The following COA1 variants were observed in gnomAD, a reference collection of about 807,000 sequenced individuals.
COA1 encodes the protein cytochrome c oxidase assembly factor 1 homolog.
In COA1, 13 loss-of-function variants were observed where a neutral mutation model predicts 16.0. That is an observed-to-expected ratio of 0.81 (90% CI 0.53 to 1.29). COA1 has a LOEUF of 1.29. Ranked by LOEUF, COA1 falls within the 50% of genes most tolerant of loss-of-function variation. The pLI is 0.00. For synonymous variants in COA1, 65 were observed against 65.7 expected (o/e 0.99, Z 0.05); for missense variants, 179 against 177.0 (o/e 1.01, Z -0.06).
chr7:43,631,933 T>C (rs2085214731), intron 6 of COA1: 1 of 152,248 alleles, frequency 6.6e-6, no homozygotes, highest in African/African-American at 2.4e-5. Flanking sequence ...TACTTTTAAA[T>C]GCGAGAGGAG....
At chr7:43,710,697 TACAA>T (rs2095216316) in intron 1 of COA1, among the ~76,000 whole-genome samples, 2 of 152,136 alleles carry the variant, frequency 1.3e-5, no homozygotes, top group South Asian at 4.1e-4. Flanking sequence ...TGAACCAAAT[TACAA>T]ACAAACAATA....
At chr7:43,610,518 T>A (rs2082762735) in intron 6 of COA1, among the ~76,000 whole-genome samples, 1 of 151,058 alleles carries the variant, frequency 6.6e-6, no homozygotes, top group African/African-American at 2.4e-5. Flanking sequence ...ATACAAAAAA[T>A]TAGCCAAGTG....
intron 4 of COA1, chr7:43,641,750 C>G (rs1217656473): frequency 6.6e-6 from 1 of 152,206 alleles, no homozygotes; most frequent in Admixed American, 6.5e-5. Context: ...CAGGTGCTGC[C>G]ATGCCCATGC....
intron 1 of COA1, among the ~76,000 whole-genome samples, chr7:43,696,140 G>A (rs1010518004): frequency 2.0e-5 from 3 of 152,194 alleles, no homozygotes; most frequent in African/African-American, 7.2e-5. Flanking sequence ...CACCCGGCCA[G>A]AAACTTACTT....
In COA1 at chr7:43,726,597, T is replaced by C. The variant is rs1585622356; in HGVS notation, c.-39+2832A>G. On this transcript the variant is annotated intron_variant, in intron 1 of 5. Transcript: ENST00000223336. ...TTTTCCTTGCTTCATTTTTCAAGTC[T>C]TAAAATGCTCCTCACGGGTTCTTTC... Among the ~76,000 whole-genome samples the C allele has an allele frequency of 3.3e-5, 5 of 152,360 alleles. No homozygotes were observed. The South Asian group carries it at 1.0e-3, about 32-fold the overall frequency.
rs113430821 is a variant in COA1 at position 43,623,631 on chromosome 7, T to C, written c.*134-14136A>G. The stretch of plus-strand genomic sequence containing the variant: ...GGCAACAGATATGTGGTAAGAGTTA[T>C]TAATGAAAAATTGATCAAATTAGTT... On this transcript the variant is annotated intron_variant and NMD_transcript_variant, in intron 6 of 6. Coordinates refer to the COA1 transcript ENST00000415076. 1,018 of 1,609,126 alleles carry C rather than the reference T, an allele frequency of 6.3e-4. 6 individuals carry two copies. The African/African-American group carries it at 0.011, about 18-fold the overall frequency.
intron 1 of COA1, among the ~76,000 whole-genome samples, chr7:43,698,299 A>G (rs1356727977): frequency 6.6e-6 from 1 of 152,158 alleles, no homozygotes; most frequent in East Asian, 1.9e-4. Flanking sequence ...TTTTTTTTCC[A>G]GGAACTCACT....
intron 1 of COA1, among the ~76,000 whole-genome samples, chr7:43,675,885 G>A (rs2093493281): frequency 6.6e-6 from 1 of 152,114 alleles, no homozygotes; most frequent in Non-Finnish European, 1.5e-5. Flanking sequence ...TAAGCCAGAT[G>A]TTAATCAATG....
chr7:43,710,363 A>AT (rs1470314863), intron 1 of COA1, among the ~76,000 whole-genome samples: 31 of 107,868 alleles, frequency 2.9e-4, no homozygotes, highest in African/African-American at 1.0e-3. Context: ...AAAAAAAAAA[A>AT]AAAAAAAAAA....
rs531672258 is a variant in COA1 at position 43,728,765 on chromosome 7, A to G, written c.-39+664T>C. On this transcript the variant is annotated intron_variant, in intron 1 of 5. Coordinates refer to ENST00000223336, the MANE Select transcript of COA1 (RefSeq NM_018224.4). Reference sequence around the variant, plus strand: ...CCAAACGTGAGCCACCTCAGAAATAAAGCAATAGCCCTCCGGGGAGAATGG... The same window carrying G: ...CCAAACGTGAGCCACCTCAGAAATAGAGCAATAGCCCTCCGGGGAGAATGG... 1.4e-4 allele frequency among the ~76,000 whole-genome samples: 21 copies of G among 152,318 alleles called. No homozygotes were observed. In the South Asian group the frequency reaches 4.4e-3, roughly 32 times the overall value.
At chr7:43,688,084 C>T (rs954891596) in intron 1 of COA1, among the ~76,000 whole-genome samples, 1 of 152,228 alleles carries the variant, frequency 6.6e-6, no homozygotes, top group African/African-American at 2.4e-5. Flanking sequence ...CTTTCACCTC[C>T]CGCCATGATT....
chr7:43,646,857 G>C, intron 3 of COA1: 1 of 268,162 alleles, frequency 3.7e-6, no homozygotes, highest in East Asian at 8.7e-5. Context: ...AAATGTTGCA[G>C]AGTGGATGAC....
intron 1 of COA1, among the ~76,000 whole-genome samples, chr7:43,661,144 A>G (rs973588424): frequency 2.0e-5 from 3 of 152,218 alleles, no homozygotes; most frequent in Admixed American, 6.5e-5. Context: ...TACTTTCACA[A>G]TAGTTACTTT....
intron 6 of COA1, chr7:43,631,798 TAC>T (rs1386222061): frequency 6.6e-6 from 1 of 152,172 alleles, no homozygotes; most frequent in Admixed American, 6.5e-5. Context: ...ATAAACCAAA[TAC>T]AAGCAAGTAA....
intron 6 of COA1, chr7:43,623,871 TTTAG>T (rs2084192580): frequency 6.4e-7 from 1 of 1,556,340 alleles, no homozygotes; most frequent in African/African-American, 1.4e-5. Flanking sequence ...TCAGGACACT[TTTAG>T]TTAAGAAACC....
chr7:43,691,039 G>A (rs1300825390), intron 1 of COA1, among the ~76,000 whole-genome samples: 15 of 108,350 alleles, frequency 1.4e-4, no homozygotes, highest in East Asian at 5.3e-4. Context: ...GCAATATAGC[G>A]AGACCTCATC....
chr7:43,686,304 T>C (rs1158216194), intron 1 of COA1, among the ~76,000 whole-genome samples: 1 of 142,098 alleles, frequency 7.0e-6, no homozygotes, highest in Non-Finnish European at 1.5e-5. Flanking sequence ...TGGCTTTGTT[T>C]CTTTTTTTTT....
At chr7:43,638,222 T>C (rs2086232203), downstream of COA1, among the ~76,000 whole-genome samples, 1 of 93,290 alleles carries the variant, frequency 1.1e-5, no homozygotes, top group Admixed American at 1.1e-4. Flanking sequence ...ATGTTTAAGC[T>C]CATTTTTTTT....
intron 1 of COA1, among the ~76,000 whole-genome samples, chr7:43,691,445 GAA>G (rs142215060): frequency 6.9e-6 from 1 of 144,220 alleles, no homozygotes; most frequent in African/African-American, 2.8e-5. Flanking sequence ...AAGAAAGAAA[GAA>G]AGAAAGAAAG....
Sources: gnomAD v4.1 joint callset for allele counts (sites outside exome capture counted in the v4.1 genomes callset) on GRCh38, gnomAD v4.1.1 for gene constraint, MANE v1.5 for transcripts, NCBI Gene and HGNC (gene_info 2026-07-23, HGNC 2026-07-21) for gene names.